Variants in NCK2 observed in about 807,000 individuals in gnomAD.
NCK2 encodes NCK adaptor protein 2.
A neutral mutation model predicts 33.9 loss-of-function variants in NCK2; 16 were observed. The ratio of observed to expected loss-of-function variants is 0.47; its 90% CI spans 0.32 to 0.72. The LOEUF is 0.72. Among genes scored for constraint, NCK2 ranks in the 30% least tolerant of loss-of-function variants. NCK2 has a pLI of 0.03. For synonymous variants in NCK2, 273 were observed against 239.9 expected (o/e 1.14, Z -1.27); for missense variants, 418 against 537.3 (o/e 0.78, Z 2.19).
chr2:105,775,218 G>A (rs1436933873), intron 1 of NCK2, among the ~76,000 whole-genome samples: 1 of 152,130 alleles, frequency 6.6e-6, no homozygotes, highest in Admixed American at 6.5e-5. Flanking sequence ...TGTGGCATGT[G>A]GGTGCCTAAT....
rs1678196381 is a variant in NCK2, at chr2:105,875,466, C to A, written c.227-5862C>A. ...GGCCAAGCTGCTGCAGACTGAACTG[C>A]AACTGGCCAAGCTGCCTCAGATCGT... On this transcript the variant is annotated intron_variant, in intron 3 of 4. Coordinates refer to ENST00000233154, the MANE Select transcript of NCK2 (RefSeq NM_003581.5). Among the ~76,000 whole-genome samples, 3 of 152,198 alleles carry A rather than the reference C, an allele frequency of 2.0e-5. No individual in the cohort carries two copies. The South Asian group carries it at 6.2e-4, about 31-fold the overall frequency.
intron 2 of NCK2, among the ~76,000 whole-genome samples, chr2:105,836,865 AGGGAGTAGG>A (rs1348214702): frequency 6.6e-6 from 1 of 152,168 alleles, no homozygotes; most frequent in Non-Finnish European, 1.5e-5. Flanking sequence ...CCTGGGACTC[AGGGAGTAGG>A]GGCTACCCAG....
At chr2:105,876,814 G>C (rs1256045560) in intron 3 of NCK2, among the ~76,000 whole-genome samples, 1 of 152,150 alleles carries the variant, frequency 6.6e-6, no homozygotes, top group East Asian at 1.9e-4. Flanking sequence ...AGGAAACTGG[G>C]ATCTGGGTGC....
At chr2:105,810,552 C>A (rs1675255792) in intron 1 of NCK2, among the ~76,000 whole-genome samples, 1 of 152,162 alleles carries the variant, frequency 6.6e-6, no homozygotes, top group Admixed American at 6.5e-5. Context: ...TGGCTGAATC[C>A]TGTGCATGCT....
chr2:105,776,878 G>A (rs975897353), intron 1 of NCK2, among the ~76,000 whole-genome samples: 1 of 151,430 alleles, frequency 6.6e-6, no homozygotes, highest in African/African-American at 2.4e-5. Flanking sequence ...CTGGCCTTGG[G>A]GTTCTTCCTG....
At chr2:105,748,319 C>G (rs1689355458) in intron 1 of NCK2, among the ~76,000 whole-genome samples, 1 of 152,176 alleles carries the variant, frequency 6.6e-6, no homozygotes, top group Non-Finnish European at 1.5e-5. Context: ...ATGGCATCAT[C>G]TTTAAACTTC....
At chr2:105,766,981 G>T (rs769943214) in intron 1 of NCK2, among the ~76,000 whole-genome samples, 1 of 152,210 alleles carries the variant, frequency 6.6e-6, no homozygotes. Flanking sequence ...ACACGCTTGG[G>T]AGGAACTCTT....
intron 3 of NCK2, among the ~76,000 whole-genome samples, chr2:105,881,067 G>A (rs904245304): frequency 1.3e-5 from 2 of 151,628 alleles, no homozygotes; most frequent in African/African-American, 4.8e-5. Context: ...TTCCAGGCGT[G>A]AGCCACTGTG....
chr2:105,796,015 A>G lies in NCK2; in HGVS notation c.-200-20415A>G, dbSNP rs187809781. On this transcript the variant is annotated intron_variant, in intron 1 of 4. Transcript: ENST00000233154. ...AAACAGTTTAGCATTTGAAAGCTCT[A>G]TTGTAGTTTGCTCTGGTATAAATCA... 2.6e-5 allele frequency among the ~76,000 whole-genome samples: 4 copies of G among 152,348 alleles called. No homozygotes were observed. In the East Asian group the frequency reaches 7.7e-4, roughly 29 times the overall value.
intron 2 of NCK2, among the ~76,000 whole-genome samples, chr2:105,826,730 T>G (rs565246739): frequency 6.6e-6 from 1 of 152,302 alleles, no homozygotes; most frequent in South Asian, 2.1e-4. Flanking sequence ...GCCAAGTAAG[T>G]ATCCTTTCCT....
intron 1 of NCK2, among the ~76,000 whole-genome samples, chr2:105,753,662 C>T (rs34865216): frequency 0.25 from 37,614 of 152,100 alleles, 5,426 homozygotes; most frequent in Middle Eastern, 0.36. Context: ...AAGTGGCCCC[C>T]GGACTTTTGT....
intron 1 of NCK2, among the ~76,000 whole-genome samples, chr2:105,756,840 T>C (rs1417034300): frequency 6.6e-6 from 1 of 152,186 alleles, no homozygotes; most frequent in African/African-American, 2.4e-5. Context: ...GTTTCGCTCT[T>C]GTCACCCAGG....
chr2:105,769,309 CTATTTAAAGCCCTCCTCT>C, intron 1 of NCK2, among the ~76,000 whole-genome samples: 1 of 150,654 alleles, frequency 6.6e-6, no homozygotes, highest in Non-Finnish European at 1.5e-5. Flanking sequence ...TGGCTGCGCC[CTATTTAAAGCCCTCCTCT>C]CAGTAAAACA....
chr2:105,784,880 G>A (rs187497253), intron 1 of NCK2, among the ~76,000 whole-genome samples: 156 of 152,342 alleles, frequency 1.0e-3, no homozygotes, highest in African/African-American at 3.4e-3. Flanking sequence ...TTAGGAACAC[G>A]TGCATGCACT....
At chr2:105,832,189 A>G (rs1676220232) in intron 2 of NCK2, among the ~76,000 whole-genome samples, 1 of 152,170 alleles carries the variant, frequency 6.6e-6, no homozygotes, top group Non-Finnish European at 1.5e-5. Context: ...TTATTGGTAT[A>G]TAGAAGAAAC....
chr2:105,886,591 G>A (rs556484977), intron 4 of NCK2, among the ~76,000 whole-genome samples: 1 of 152,324 alleles, frequency 6.6e-6, no homozygotes, highest in Admixed American at 6.5e-5. Flanking sequence ...CTACGTTGTG[G>A]AGTATGCACT....
chr2:105,867,239 A>T (rs907289792), intron 3 of NCK2, among the ~76,000 whole-genome samples: 1 of 152,188 alleles, frequency 6.6e-6, no homozygotes, highest in Admixed American at 6.5e-5. Flanking sequence ...GTTTTCAGAG[A>T]TGCATTTAAT....
At chr2:105,781,961 G>C (rs1322907403) in intron 1 of NCK2, among the ~76,000 whole-genome samples, 1 of 152,152 alleles carries the variant, frequency 6.6e-6, no homozygotes, top group African/African-American at 2.4e-5. Context: ...TCAGTTTCTT[G>C]ACTATGAAGT....
chr2:105,747,094 G>A (rs1175629263), intron 1 of NCK2, among the ~76,000 whole-genome samples: 1 of 152,198 alleles, frequency 6.6e-6, no homozygotes, highest in Non-Finnish European at 1.5e-5. Context: ...TGCTGAAGGT[G>A]CCTTGCAGGT....
Sources: gnomAD v4.1 joint callset for allele counts (sites outside exome capture counted in the v4.1 genomes callset) on GRCh38, gnomAD v4.1.1 for gene constraint, MANE v1.5 for transcripts, NCBI Gene and HGNC (gene_info 2026-07-23, HGNC 2026-07-21) for gene names.